Variants in SMAD3 observed in about 807,000 individuals in gnomAD.
SMAD3 encodes MAD homolog 3.
Under a neutral mutation model 51.8 loss-of-function variants are expected in SMAD3, and 12 were observed. The ratio of observed to expected loss-of-function variants is 0.23; its 90% CI spans 0.15 to 0.38. SMAD3 has a LOEUF of 0.38. Ranked by LOEUF, SMAD3 falls within the 10% of genes least tolerant of loss-of-function variation. The pLI is 1.00. For synonymous variants in SMAD3, 238 were observed against 227.7 expected (o/e 1.05, Z -0.41); for missense variants, 294 against 565.6 (o/e 0.52, Z 4.87).
chr15:67,105,901 C>T (rs61127053), intron 1 of SMAD3, among the ~76,000 whole-genome samples: 1,949 of 152,258 alleles, frequency 0.013, 46 homozygotes, highest in African/African-American at 0.044. Context: ...ATTCATTCCC[C>T]GGCCCTCCCT....
At chr15:67,114,001 C>T (rs755973712) in intron 1 of SMAD3, among the ~76,000 whole-genome samples, 8 of 152,134 alleles carry the variant, frequency 5.3e-5, no homozygotes, top group Non-Finnish European at 1.0e-4. Context: ...ACCAATTTGG[C>T]GGTGGAGAAG....
chr15:67,165,149 C>A, intron 2 of SMAD3, 61 bp downstream of exon 2: 1 of 1,585,016 alleles, frequency 6.3e-7, no homozygotes, highest in South Asian at 1.1e-5. Context: ...CTCTCCCCGG[C>A]TCCCCATCCC....
At chr15:67,115,058 C>T (rs751821731) in intron 1 of SMAD3, among the ~76,000 whole-genome samples, 2 of 152,122 alleles carry the variant, frequency 1.3e-5, no homozygotes, top group African/African-American at 4.8e-5. Flanking sequence ...CATCTAGGGT[C>T]ACCCTGTTGG....
chr15:67,181,172 TG>T, intron 5 of SMAD3, 68 bp from the exon 6 acceptor site: 2 of 1,167,666 alleles, frequency 1.7e-6, no homozygotes, highest in Non-Finnish European at 1.3e-6. Flanking sequence ...AGAGTGTCCA[TG>T]GGACCCCATC....
intron 1 of SMAD3, among the ~76,000 whole-genome samples, chr15:67,097,945 TG>T: frequency 6.6e-6 from 1 of 152,280 alleles, no homozygotes; most frequent in African/African-American, 2.4e-5. Context: ...TTGTAGTGTT[TG>T]AAGGTCTTCA....
At chr15:67,072,539 C>T (rs564763375) in intron 1 of SMAD3, among the ~76,000 whole-genome samples, 1 of 152,284 alleles carries the variant, frequency 6.6e-6, no homozygotes, top group South Asian at 2.1e-4. Context: ...AAAACAAAAG[C>T]AAAACTTAAA....
At position 67,193,099 on chromosome 15, in the gene SMAD3, G is replaced by A. The variant is rs905513018; in HGVS notation, c.*2563G>A. Reference sequence around the variant, plus strand: ...TGCTTTGGGCGTATGTAACATTAGTGTCCTTCCTTGAAGCCACAAGCTAGT... The same window carrying A: ...TGCTTTGGGCGTATGTAACATTAGTATCCTTCCTTGAAGCCACAAGCTAGT... On this transcript the variant is annotated 3_prime_UTR_variant, in exon 9 of 9. Coordinates refer to ENST00000327367, the MANE Select transcript of SMAD3 (RefSeq NM_005902.4). 3 of 233,232 alleles carry A rather than the reference G, an allele frequency of 1.3e-5. No homozygotes were observed. The highest frequency in any genetic ancestry group is 2.5e-5 in the Non-Finnish European group (3 of 118,012). The allele number at this position is 233,232 out of a possible 1,614,324, so 14.4% of individuals were successfully genotyped here. A position where few individuals can be genotyped will look rare whatever the true frequency, so the allele number is the denominator to read the frequency against.
At chr15:67,070,985 G>T (rs1406212118) in intron 1 of SMAD3, among the ~76,000 whole-genome samples, 1 of 152,154 alleles carries the variant, frequency 6.6e-6, no homozygotes, top group Non-Finnish European at 1.5e-5. Flanking sequence ...GAATTATTCA[G>T]TCCTTCGTTG....
intron 5 of SMAD3, among the ~76,000 whole-genome samples, chr15:67,179,909 C>T (rs1963007096): frequency 6.6e-6 from 1 of 152,082 alleles, no homozygotes; most frequent in Non-Finnish European, 1.5e-5. Flanking sequence ...TCAGCCTGGG[C>T]CCTGGGACCT....
Position 67,184,836 on chromosome 15 carries a change from C to G in SMAD3, c.981C>G (p.His327Gln), listed in dbSNP as rs780274581. 7 of 1,613,370 alleles carry G rather than the reference C, an allele frequency of 4.3e-6. No homozygotes were observed. In the Admixed American group the frequency reaches 1.2e-4, roughly 27 times the overall value. The change falls in exon 7 of 9, where the codon CAC (histidine) becomes CAG (glutamine). Residue 327 changes from histidine (H) to glutamine (Q), a missense_variant. By Grantham distance (24) the His-to-Gln change is conservative. Transcript: ENST00000327367. ...ACTGTAACCAGCGCTATGGCTGGCA[C>G]CCGGCCACCGTCTGCAAGATCCCAC... The part of the protein sequence containing the change: ...SPNCNQRYGW[H>Q]PATVCKIPPG...
At chr15:67,164,696 C>T (rs1308045791) in intron 1 of SMAD3, among the ~76,000 whole-genome samples, 199 bp from the exon 2 acceptor site, 1 of 152,226 alleles carries the variant, frequency 6.6e-6, no homozygotes, top group Non-Finnish European at 1.5e-5. Context: ...TGGGAGTCCT[C>T]ACGGGGCCTT....
intron 1 of SMAD3, among the ~76,000 whole-genome samples, chr15:67,148,291 A>G (rs532528763): frequency 1.3e-5 from 2 of 152,226 alleles, no homozygotes; most frequent in Non-Finnish European, 2.9e-5. Context: ...TAGCACAGCC[A>G]GAGGGAGGGC....
chr15:67,165,477 C>T lies in SMAD3; in HGVS notation c.532+93C>T, dbSNP rs1437437057. ...GTGGCCCCAATCTCTGCCCCCTGGC[C>T]GTCCCCCGCTCACCCCCTCTTTGCG... On this transcript the variant is annotated intron_variant, in intron 3 of 8. Coordinates refer to ENST00000327367, the MANE Select transcript of SMAD3 (RefSeq NM_005902.4). 135 of 1,457,768 alleles carry T rather than the reference C, an allele frequency of 9.3e-5. No individual in the cohort carries two copies. The East Asian group carries it at 1.5e-3, about 16-fold the overall frequency. 90.3% of individuals were successfully genotyped at this position (1,457,768 alleles called of 1,614,324 possible).
At chr15:67,138,349 C>A in intron 1 of SMAD3, 1 of 471,952 alleles carries the variant, frequency 2.1e-6, no homozygotes, top group Non-Finnish European at 3.9e-6. Flanking sequence ...CCTGAACCCC[C>A]CCTCCCCCGG....
intron 1 of SMAD3, among the ~76,000 whole-genome samples, chr15:67,102,141 C>T (rs1434913608): frequency 3.3e-5 from 5 of 152,082 alleles, no homozygotes. Context: ...TCATGGGTCA[C>T]CTGGAAGGCG....
At chr15:67,097,318 G>T (rs1025344573) in intron 1 of SMAD3, among the ~76,000 whole-genome samples, 6 of 152,100 alleles carry the variant, frequency 3.9e-5, no homozygotes, top group African/African-American at 1.4e-4. Flanking sequence ...CAGCTCAAGC[G>T]ATCTTCCCAC....
Position 67,166,061 on chromosome 15 carries a change from G to A in SMAD3, c.532+677G>A, listed in dbSNP as rs761730786. ...CCTCTTAGAGCATTCTAATTTGGAC[G>A]TGACGTTCATCCTGGGTTAGTTTAC... On this transcript the variant is annotated intron_variant, in intron 3 of 8. Transcript: ENST00000327367. The A allele has an allele frequency of 1.1e-4, 46 of 426,714 alleles. No homozygotes were observed. The South Asian group carries it at 2.0e-3, about 18-fold the overall frequency. The allele number at this position is 426,714 out of a possible 1,614,324, so 26.4% of individuals were successfully genotyped here.
chr15:67,067,383 G>A (rs2140190547), intron 1 of SMAD3, among the ~76,000 whole-genome samples: 1 of 152,300 alleles, frequency 6.6e-6, no homozygotes, highest in African/African-American at 2.4e-5. Flanking sequence ...CTGGGGGTGC[G>A]GGTACCTTGG....
At chr15:67,126,062 A>C in intron 1 of SMAD3, 1 of 683,666 alleles carries the variant, frequency 1.5e-6, no homozygotes, top group Non-Finnish European at 1.8e-6. Flanking sequence ...TATGCTCGAC[A>C]CACACTCCCT....
Sources: gnomAD v4.1 joint callset for allele counts (sites outside exome capture counted in the v4.1 genomes callset) on GRCh38, gnomAD v4.1.1 for gene constraint, MANE v1.5 for transcripts, NCBI Gene and HGNC (gene_info 2026-07-23, HGNC 2026-07-21) for gene names.